The following RAP1GAP2 variants were observed in gnomAD, a reference collection of about 807,000 sequenced individuals.
RAP1GAP2 encodes rap1 GTPase-activating protein 2.
A neutral mutation model predicts 95.0 loss-of-function variants in RAP1GAP2; 27 were observed. That is an observed-to-expected ratio of 0.28 (90% CI 0.21 to 0.39). The LOEUF is 0.39. Among genes scored for constraint, RAP1GAP2 ranks in the 10% least tolerant of loss-of-function variants. RAP1GAP2 has a pLI of 1.00. For synonymous variants in RAP1GAP2, 373 were observed against 380.9 expected (o/e 0.98, Z 0.24); for missense variants, 771 against 970.0 (o/e 0.79, Z 2.72).
chr17:2,956,830 T>A (rs1316579815), intron 3 of RAP1GAP2, among the ~76,000 whole-genome samples: 3 of 152,088 alleles, frequency 2.0e-5, no homozygotes, highest in Non-Finnish European at 4.4e-5. Flanking sequence ...ATTGGGATTT[T>A]AAAAATAACC....
rs561159122 is a variant in RAP1GAP2 at position 2,866,770 on chromosome 17, T to G, written c.81-38514T>G. Among the ~76,000 whole-genome samples the G allele has an allele frequency of 5.3e-5, 8 of 151,974 alleles. No homozygotes were observed. The South Asian group carries it at 1.5e-3, about 28-fold the overall frequency. On this transcript the variant is annotated intron_variant, in intron 2 of 24. Transcript: ENST00000254695. This position sits in a 1 kb window ranked among gnomAD's most constrained non-coding sequence, Gnocchi z 4.0. ...GTCCGCCACCAGGTCCGGCTAATTTTTATGTTTTTAGTAGAGATGGGGTTT... is the reference window on the plus strand; with the variant it reads ...GTCCGCCACCAGGTCCGGCTAATTTGTATGTTTTTAGTAGAGATGGGGTTT...
At chr17:2,820,018 T>C (rs1393963756) in intron 2 of RAP1GAP2, among the ~76,000 whole-genome samples, 1 of 152,102 alleles carries the variant, frequency 6.6e-6, no homozygotes, top group African/African-American at 2.4e-5. Flanking sequence ...TGGGCTCAAA[T>C]GATTCTCCAA....
chr17:2,853,455 C>G (rs985737379), intron 2 of RAP1GAP2, among the ~76,000 whole-genome samples: 1 of 150,658 alleles, frequency 6.6e-6, no homozygotes, highest in Non-Finnish European at 1.5e-5. Flanking sequence ...CCGCCTCTGC[C>G]TGGGGAGGGA....
chr17:2,908,746 G>A (rs529983945), intron 3 of RAP1GAP2, among the ~76,000 whole-genome samples: 2 of 152,136 alleles, frequency 1.3e-5, no homozygotes, highest in Admixed American at 6.5e-5. Context: ...ACAGGGTCGT[G>A]CGCTGTCACT....
At chr17:2,821,866 GA>G (rs2070320487) in intron 2 of RAP1GAP2, among the ~76,000 whole-genome samples, 1 of 152,098 alleles carries the variant, frequency 6.6e-6, no homozygotes, top group African/African-American at 2.4e-5. Context: ...GGTTGAGAAT[GA>G]GGTCCAGACT....
At chr17:2,888,975 C>T (rs773078248) in intron 2 of RAP1GAP2, among the ~76,000 whole-genome samples, 4 of 152,024 alleles carry the variant, frequency 2.6e-5, no homozygotes, top group African/African-American at 9.7e-5. Flanking sequence ...ACCACCTTTT[C>T]TTTGTACATT....
At chr17:2,994,408 G>C (rs1178334040) in intron 12 of RAP1GAP2, among the ~76,000 whole-genome samples, 1 of 152,220 alleles carries the variant, frequency 6.6e-6, no homozygotes, top group African/African-American at 2.4e-5. Context: ...ACAACTCCTG[G>C]AAGCCCACCC....
chr17:2,815,202 G>A (rs1195540739), intron 2 of RAP1GAP2, among the ~76,000 whole-genome samples: 1 of 152,150 alleles, frequency 6.6e-6, no homozygotes, highest in Non-Finnish European at 1.5e-5. Flanking sequence ...TGGCTTCACA[G>A]CTGCACGGGA....
chr17:2,911,260 A>ATTTTTTTTTTTTT (rs34227127), intron 3 of RAP1GAP2, among the ~76,000 whole-genome samples: 12,294 of 129,422 alleles, frequency 0.095, 827 homozygotes, highest in Admixed American at 0.2. Context: ...TTTGAAGGGG[A>ATTTTTTTTTTTTT]TTTTTTTTTT....
chr17:2,880,454 T>TC (rs1197858804), intron 2 of RAP1GAP2, among the ~76,000 whole-genome samples: 2 of 143,722 alleles, frequency 1.4e-5, no homozygotes, highest in African/African-American at 5.1e-5. Flanking sequence ...ACCTTCTTCT[T>TC]TTTTTTTTTT....
intron 8 of RAP1GAP2, among the ~76,000 whole-genome samples, chr17:2,968,025 G>T (rs2044693989): frequency 6.6e-6 from 1 of 152,148 alleles, no homozygotes; most frequent in African/African-American, 2.4e-5. Context: ...GTTTGTAAAA[G>T]AAGAGATTCT....
intron 1 of RAP1GAP2, among the ~76,000 whole-genome samples, chr17:2,763,060 G>A (rs1469183583): frequency 1.3e-5 from 2 of 152,228 alleles, no homozygotes; most frequent in South Asian, 2.1e-4. Context: ...AGTGTTCAGC[G>A]GGATTTCAGA....
intron 10 of RAP1GAP2, among the ~76,000 whole-genome samples, chr17:2,982,075 G>A (rs1420912566): frequency 6.6e-6 from 1 of 152,206 alleles, no homozygotes; most frequent in Non-Finnish European, 1.5e-5. Context: ...ACCAGGACCC[G>A]TGAGATGAAA....
chr17:2,893,567 G>A (rs188969775), intron 2 of RAP1GAP2, among the ~76,000 whole-genome samples: 8 of 152,280 alleles, frequency 5.3e-5, no homozygotes, highest in Non-Finnish European at 1.2e-4. Flanking sequence ...GCCTTTCCTC[G>A]CCATCCAGGT....
intron 2 of RAP1GAP2, among the ~76,000 whole-genome samples, chr17:2,876,604 C>T (rs539531670): frequency 2.0e-5 from 3 of 152,240 alleles, no homozygotes; most frequent in Non-Finnish European, 2.9e-5. Context: ...TTTCATCATG[C>T]GGGTGACGCC....
chr17:3,001,431 CAGA>C (rs1268940195), intron 14 of RAP1GAP2, among the ~76,000 whole-genome samples: 1 of 104,876 alleles, frequency 9.5e-6, no homozygotes, highest in African/African-American at 4.1e-5. Context: ...GGAGAAGGGA[CAGA>C]AGAAGCAGGG....
intron 3 of RAP1GAP2, among the ~76,000 whole-genome samples, chr17:2,930,523 TC>T (rs749794786): frequency 3.9e-5 from 6 of 152,204 alleles, no homozygotes; most frequent in Non-Finnish European, 7.3e-5. Context: ...CGCAGGCTCA[TC>T]CGGAGTTTCA....
At chr17:2,788,802 G>A (rs563096415) in intron 1 of RAP1GAP2, among the ~76,000 whole-genome samples, 15 of 152,236 alleles carry the variant, frequency 9.9e-5, no homozygotes, top group East Asian at 1.9e-4. Flanking sequence ...CACATTTTTC[G>A]TCTATTCAAG....
intron 2 of RAP1GAP2, among the ~76,000 whole-genome samples, chr17:2,800,788 G>A (rs1318221880): frequency 6.6e-6 from 1 of 151,910 alleles, no homozygotes; most frequent in Non-Finnish European, 1.5e-5. Flanking sequence ...GGGAGTGTGT[G>A]TAGCAGGTGT....
Sources: allele counts gnomAD v4.1 joint callset (sites outside exome capture counted in the v4.1 genomes callset), GRCh38; gene constraint gnomAD v4.1.1; non-coding constraint Gnocchi (gnomAD v3.1); transcripts MANE v1.5; gene names NCBI Gene and HGNC (gene_info 2026-07-23, HGNC 2026-07-21).